Variants in MKLN1 observed in about 807,000 individuals in gnomAD.
The protein encoded by MKLN1 is muskelin.
A neutral mutation model predicts 99.0 loss-of-function variants in MKLN1; 18 were observed. The ratio of observed to expected loss-of-function variants is 0.18; its 90% confidence interval spans 0.13 to 0.27. The LOEUF is 0.27. Ranked by LOEUF, MKLN1 falls within the 10% of genes least tolerant of loss-of-function variation. MKLN1 has a pLI of 1.00. For synonymous variants in MKLN1, 288 were observed against 293.2 expected (o/e 0.98, Z 0.18); for missense variants, 621 against 875.9 (o/e 0.71, Z 3.67).
chr7:131,197,048 T>C (rs758180083), intron 2 of MKLN1, among the ~76,000 whole-genome samples: 19 of 152,170 alleles, frequency 1.2e-4, no homozygotes, highest in Non-Finnish European at 1.9e-4. Flanking sequence ...CGCCCCATCC[T>C]CCTCTGTTTA....
At chr7:131,263,812 C>T (rs1280155695) in intron 3 of MKLN1, among the ~76,000 whole-genome samples, 3 of 151,994 alleles carry the variant, frequency 2.0e-5, no homozygotes, top group Non-Finnish European at 4.4e-5. Context: ...TCACGTGATC[C>T]ACCTGCCTTG....
At chr7:131,457,590 C>T (rs1353711964) in intron 12 of MKLN1, among the ~76,000 whole-genome samples, 1 of 152,230 alleles carries the variant, frequency 6.6e-6, no homozygotes, top group Admixed American at 6.5e-5. Flanking sequence ...CAAGTGCCAA[C>T]ATCTTAAAAG....
At chr7:131,204,560 G>A (rs1370086073) in intron 3 of MKLN1, among the ~76,000 whole-genome samples, 2 of 152,186 alleles carry the variant, frequency 1.3e-5, no homozygotes, top group African/African-American at 2.4e-5. Flanking sequence ...GGCCGGGTGC[G>A]GTGGCTCACG....
chr7:131,395,744 G>A (rs1471995947), intron 4 of MKLN1, among the ~76,000 whole-genome samples: 2 of 151,226 alleles, frequency 1.3e-5, no homozygotes, highest in African/African-American at 2.4e-5. Flanking sequence ...TTTTGACTAC[G>A]TGGGACCTCT....
Position 131,281,178 on chromosome 7 carries a change from C to T in MKLN1, c.-179+78204C>T, listed in dbSNP as rs1194735262. Among the ~76,000 whole-genome samples the T allele has an allele frequency of 3.3e-5, 5 of 150,976 alleles. No individual in the cohort carries two copies. The East Asian group carries it at 9.7e-4, about 29-fold the overall frequency. ...AGGAGTTTTATAGTTTTAATTCATG[C>T]ATTTAGGCCTATGATCCATTTTGAG... On this transcript the variant is annotated intron_variant, in intron 3 of 7. Transcript: ENST00000416992.
At chr7:131,285,764 T>C (rs1192189847) in intron 3 of MKLN1, among the ~76,000 whole-genome samples, 1 of 152,218 alleles carries the variant, frequency 6.6e-6, no homozygotes, top group Non-Finnish European at 1.5e-5. Context: ...ACTTCACCTC[T>C]GCCTGATGCA....
intron 3 of MKLN1, among the ~76,000 whole-genome samples, chr7:131,296,927 T>C (rs971685028): frequency 2.0e-5 from 3 of 152,040 alleles, no homozygotes; most frequent in Non-Finnish European, 4.4e-5. Context: ...TTGGTAGAGA[T>C]GGAGTTTCAC....
At chr7:131,216,945 C>A (rs1563255542) in intron 3 of MKLN1, among the ~76,000 whole-genome samples, 1 of 148,962 alleles carries the variant, frequency 6.7e-6, no homozygotes, top group African/African-American at 2.6e-5. Context: ...ACTGAGGAGA[C>A]CCCCTATTGA....
intron 2 of MKLN1, among the ~76,000 whole-genome samples, chr7:131,148,394 A>AG (rs1285615977): frequency 6.6e-6 from 1 of 152,264 alleles, no homozygotes; most frequent in African/African-American, 2.4e-5. Context: ...ATATATTAAC[A>AG]GGAATGGAAT....
chr7:131,429,563 A>G (rs1795461400), intron 9 of MKLN1, among the ~76,000 whole-genome samples: 1 of 151,954 alleles, frequency 6.6e-6, no homozygotes, highest in Admixed American at 6.6e-5. Flanking sequence ...ATTTTACTAT[A>G]TGTCAGTTTT....
At chr7:131,484,115 T>A (rs1040123515) in intron 17 of MKLN1, among the ~76,000 whole-genome samples, 1 of 152,222 alleles carries the variant, frequency 6.6e-6, no homozygotes, top group Admixed American at 6.5e-5. Flanking sequence ...TGTATTCTTA[T>A]GAAGTGATAC....
upstream of MKLN1, chr7:131,327,752 T>C: frequency 7.2e-7 from 1 of 1,382,822 alleles, no homozygotes; most frequent in Non-Finnish European, 9.5e-7. Context: ...GATAGGACAT[T>C]GGCCCGGCGC....
chr7:131,172,723 A>G (rs1796235109), intron 2 of MKLN1, among the ~76,000 whole-genome samples: 1 of 152,242 alleles, frequency 6.6e-6, no homozygotes, highest in Non-Finnish European at 1.5e-5. Flanking sequence ...TGTCTCCTAT[A>G]GTAACTGCAG....
chr7:131,481,315 A>G (rs1362460375), intron 17 of MKLN1, among the ~76,000 whole-genome samples: 1 of 152,370 alleles, frequency 6.6e-6, no homozygotes, highest in East Asian at 1.9e-4. Flanking sequence ...CAAATTGCTG[A>G]GAGAATTAAA....
intron 3 of MKLN1, among the ~76,000 whole-genome samples, chr7:131,234,186 G>T (rs1797283783): frequency 1.3e-5 from 2 of 151,726 alleles, no homozygotes; most frequent in South Asian, 2.1e-4. Flanking sequence ...CACCATGTTG[G>T]CCAGGCTGGT....
At chr7:131,456,010 C>T (rs1029192046) in intron 12 of MKLN1, among the ~76,000 whole-genome samples, 2 of 151,332 alleles carry the variant, frequency 1.3e-5, no homozygotes, top group African/African-American at 4.9e-5. Flanking sequence ...CACATTATTG[C>T]ATTCCAGCCT....
At chr7:131,421,900 G>A (rs1205707349) in intron 8 of MKLN1, among the ~76,000 whole-genome samples, 1 of 151,984 alleles carries the variant, frequency 6.6e-6, no homozygotes, top group African/African-American at 2.4e-5. Context: ...TATATAATTG[G>A]TGCCTTAGGA....
At chr7:131,437,375 G>A (rs1440376503) in intron 9 of MKLN1, among the ~76,000 whole-genome samples, 1 of 152,132 alleles carries the variant, frequency 6.6e-6, no homozygotes, top group Non-Finnish European at 1.5e-5. Flanking sequence ...AGATTCTGAT[G>A]AGAAATACAA....
chr7:131,274,007 T>TGATA (rs1797924895), intron 3 of MKLN1, among the ~76,000 whole-genome samples: 2 of 152,216 alleles, frequency 1.3e-5, no homozygotes, highest in African/African-American at 2.4e-5. Context: ...TCACTCCATG[T>TGATA]ACCACCCAAG....
Sources: allele counts gnomAD v4.1 joint callset (sites outside exome capture counted in the v4.1 genomes callset), GRCh38; gene constraint gnomAD v4.1.1; transcripts MANE v1.5; gene names NCBI Gene and HGNC (gene_info 2026-07-23, HGNC 2026-07-21).